The following KCNU1 variants were observed in gnomAD, a reference collection of about 807,000 sequenced individuals.
The protein encoded by KCNU1 is potassium channel subfamily U member 1.
Under a neutral mutation model 126.8 loss-of-function variants are expected in KCNU1, and 93 were observed. The observed-to-expected ratio is 0.73, with a 90% CI of 0.62 to 0.87. The LOEUF is 0.87. KCNU1 is among the 40% of genes least tolerant of loss of function. KCNU1 has a pLI of 0.00. For missense variants in KCNU1, 1,330 were observed against 1,367.1 expected, an observed-to-expected ratio of 0.97 and a Z score of 0.43; for synonymous variants, 523 against 494.2, an observed-to-expected ratio of 1.06 and a Z score of -0.77.
At chr8:36,815,103 G>A (rs1251580730) in intron 8 of KCNU1, among the ~76,000 whole-genome samples, 3 of 152,136 alleles carry the variant, frequency 2.0e-5, no homozygotes, top group African/African-American at 7.2e-5. Context: ...GGCCAAGGCA[G>A]GCGGATTACC....
intron 14 of KCNU1, among the ~76,000 whole-genome samples, chr8:36,840,257 C>T (rs1804899466): frequency 1.3e-5 from 2 of 152,166 alleles, no homozygotes; most frequent in South Asian, 2.1e-4. Flanking sequence ...TCTGCCTCAT[C>T]CTGAACTCTG....
At chr8:36,828,459 A>G (rs967880808) in intron 10 of KCNU1, among the ~76,000 whole-genome samples, 1 of 152,060 alleles carries the variant, frequency 6.6e-6, no homozygotes, top group African/African-American at 2.4e-5. Flanking sequence ...CTCTATATTC[A>G]CATCTAAAAT....
intron 19 of KCNU1, among the ~76,000 whole-genome samples, chr8:36,893,134 GT>G (rs776511807): frequency 7.5e-5 from 9 of 119,442 alleles, no homozygotes; most frequent in African/African-American, 1.2e-4. Context: ...GCTACTTTTT[GT>G]TTTTTTTTGT....
At chr8:36,899,798 G>T (rs1480971441) in intron 19 of KCNU1, among the ~76,000 whole-genome samples, 1 of 152,094 alleles carries the variant, frequency 6.6e-6, no homozygotes, top group Non-Finnish European at 1.5e-5. Context: ...GGCTTTCTAG[G>T]CATGATATTT....
intron 19 of KCNU1, among the ~76,000 whole-genome samples, chr8:36,865,427 C>T (rs528593939): frequency 4.1e-4 from 63 of 151,956 alleles, no homozygotes; most frequent in Admixed American, 2.9e-3. Flanking sequence ...CAGCAGTATT[C>T]GCAATAGCCA....
chr8:36,867,970 T>C (rs1230673018), intron 19 of KCNU1, among the ~76,000 whole-genome samples: 1 of 152,184 alleles, frequency 6.6e-6, no homozygotes. Context: ...AGATGATTGC[T>C]AAAGCTGATG....
intron 10 of KCNU1, among the ~76,000 whole-genome samples, chr8:36,830,802 C>T (rs1165366087): frequency 6.6e-6 from 1 of 151,306 alleles, no homozygotes; most frequent in Non-Finnish European, 1.5e-5. Flanking sequence ...TACATGTGCA[C>T]AATGTGCAGG....
At chr8:36,787,115 C>G (rs1379451557) in intron 1 of KCNU1, among the ~76,000 whole-genome samples, 191 bp from the exon 2 acceptor site, 1 of 152,100 alleles carries the variant, frequency 6.6e-6, no homozygotes, top group Non-Finnish European at 1.5e-5. Context: ...GTGCAGAAAA[C>G]CAGGAAAATG....
chr8:36,819,690 A>G (rs1218631649), intron 10 of KCNU1, among the ~76,000 whole-genome samples: 1 of 152,082 alleles, frequency 6.6e-6, no homozygotes, highest in African/African-American at 2.4e-5. Context: ...TGTCCATTCT[A>G]TCTAAATTGG....
intron 10 of KCNU1, among the ~76,000 whole-genome samples, chr8:36,830,062 TA>T (rs1451310899): frequency 6.7e-6 from 1 of 149,468 alleles, no homozygotes; most frequent in African/African-American, 2.4e-5. Flanking sequence ...TTATTTACAT[TA>T]AAACAATTTA....
At chr8:36,820,578 T>G (rs1804085317) in intron 10 of KCNU1, among the ~76,000 whole-genome samples, 1 of 151,912 alleles carries the variant, frequency 6.6e-6, no homozygotes, top group African/African-American at 2.4e-5. Context: ...TTACTCTAGT[T>G]TAATCATGCA....
rs191444457 is a variant in KCNU1 at position 36,909,260 on chromosome 8, A to T, written c.2107-51A>T. On this transcript the variant is annotated intron_variant, in intron 20 of 26. Transcript: ENST00000399881. ...GAGAAGAGGGGGCCTACTTGGAGGGATTCTCATCTTGCTTATGAAAATGAC... is the reference window on the plus strand; with the variant it reads ...GAGAAGAGGGGGCCTACTTGGAGGGTTTCTCATCTTGCTTATGAAAATGAC... 248 of 1,154,338 alleles carry T rather than the reference A, an allele frequency of 2.1e-4. No individual in the cohort carries two copies. In the East Asian group the frequency reaches 5.7e-3, roughly 27 times the overall value. 71.5% of individuals were successfully genotyped at this position (1,154,338 alleles called of 1,614,324 possible).
At chr8:36,921,638 C>T (rs938448043) in intron 23 of KCNU1, among the ~76,000 whole-genome samples, 2 of 135,114 alleles carry the variant, frequency 1.5e-5, no homozygotes, top group Non-Finnish European at 3.1e-5. Flanking sequence ...CACCACTGGG[C>T]AGCCTGGGCG....
chr8:36,799,080 T>C (rs1162697189), intron 2 of KCNU1, among the ~76,000 whole-genome samples: 1 of 152,208 alleles, frequency 6.6e-6, no homozygotes, highest in Non-Finnish European at 1.5e-5. Context: ...CAGTTAGTTA[T>C]GCCCGTGTTC....
At chr8:36,897,859 TA>T (rs1343748542) in intron 19 of KCNU1, among the ~76,000 whole-genome samples, 1 of 152,076 alleles carries the variant, frequency 6.6e-6, no homozygotes, top group Non-Finnish European at 1.5e-5. Flanking sequence ...TGCCTCCTTT[TA>T]AAAATAGCCA....
chr8:36,915,561 T>C (rs79527440), intron 22 of KCNU1, among the ~76,000 whole-genome samples: 3,463 of 152,376 alleles, frequency 0.023, 56 homozygotes, highest in Non-Finnish European at 0.035. Context: ...CTTTAAATTC[T>C]ACAATGTTGA....
chr8:36,830,676 G>T (rs950729361), intron 10 of KCNU1, among the ~76,000 whole-genome samples: 3 of 151,328 alleles, frequency 2.0e-5, no homozygotes, highest in Non-Finnish European at 2.9e-5. Context: ...TATTTGAGGG[G>T]TGTGTGTGTG....
At position 36,845,884 on chromosome 8, in the gene KCNU1, C is replaced by A. The variant is rs754818690; in HGVS notation, c.1876C>A (p.Arg626=). Residue 626 remains arginine (R), a synonymous_variant, in exon 18 of 27, where the codon CGG becomes AGG. Transcript: ENST00000399881. ...AAACTGTGGCTGCAAAAGCAGAAGC[C>A]GGCAGCACATCACAGGTAATTGCAC... ...ITNCGCKSRS[R]QHITVPSVKR... is the part of the protein sequence containing the mutation. The A allele has an allele frequency of 6.3e-7, 1 of 1,594,808 alleles. No homozygotes were observed. The highest frequency in any genetic ancestry group is 1.3e-5 in the African/African-American group (1 of 74,778).
intron 20 of KCNU1, among the ~76,000 whole-genome samples, chr8:36,908,778 T>C (rs1807741288): frequency 6.6e-6 from 1 of 151,950 alleles, no homozygotes; most frequent in Non-Finnish European, 1.5e-5. Flanking sequence ...AAATTGCCAT[T>C]GTTCAACCAT....
Sources: allele counts gnomAD v4.1 joint callset (sites outside exome capture counted in the v4.1 genomes callset), GRCh38; gene constraint gnomAD v4.1.1; transcripts MANE v1.5; gene names NCBI Gene and HGNC (gene_info 2026-07-23, HGNC 2026-07-21).